CTBS: variants seen among roughly 807,000 people sequenced by gnomAD.
CTBS encodes di-N-acetylchitobiase.
In CTBS, 35 loss-of-function variants were observed where a neutral mutation model predicts 44.3. The ratio of observed to expected loss-of-function variants is 0.79; its 90% CI spans 0.60 to 1.05. The LOEUF is 1.05. CTBS is among the 50% of genes least tolerant of loss of function. The probability of loss-of-function intolerance (pLI) is 0.00; values close to 1 mark genes in which losing one functional copy is unlikely to be tolerated. For synonymous variants in CTBS, 143 were observed against 168.0 expected (o/e 0.85, Z 1.15); for missense variants, 458 against 475.3 (o/e 0.96, Z 0.34).
Position 84,563,731 on chromosome 1 carries a change from C to A in CTBS, c.795+4G>T. 6.5e-7 allele frequency: 1 copy of A among 1,544,364 alleles called. No homozygotes were observed. The highest frequency in any genetic ancestry group is 1.2e-5 in the South Asian group (1 of 81,102). Reference sequence around the variant, plus strand: ...AAAATTATGTAACAAATGACTGTTCCTACCTCAGACAGATTCAGGCAGGTA... The same window carrying A: ...AAAATTATGTAACAAATGACTGTTCATACCTCAGACAGATTCAGGCAGGTA... On this transcript the variant is annotated splice_donor_region_variant and intron_variant, in intron 5 of 6. Transcript: ENST00000370630.
chr1:84,561,594 C>T (rs563385127), intron 6 of CTBS, among the ~76,000 whole-genome samples: 1 of 152,158 alleles, frequency 6.6e-6, no homozygotes, highest in East Asian at 1.9e-4. Context: ...AATAGCATCA[C>T]GTTTTACACA....
chr1:84,563,607 AAAAT>A (rs1402623827), intron 5 of CTBS, 124 bp downstream of exon 5: 5 of 674,786 alleles, frequency 7.4e-6, no homozygotes, highest in African/African-American at 3.8e-5. Context: ...CATAGAAGTA[AAAAT>A]AAATAATTTT....
At chr1:84,559,394 G>C (rs1457595894) in intron 6 of CTBS, among the ~76,000 whole-genome samples, 5 of 152,194 alleles carry the variant, frequency 3.3e-5, no homozygotes, top group Non-Finnish European at 5.9e-5. Flanking sequence ...GCCGAGATGG[G>C]AGGATCACTT....
intron 6 of CTBS, among the ~76,000 whole-genome samples, chr1:84,559,762 C>T (rs1034771604): frequency 1.3e-5 from 2 of 152,046 alleles, no homozygotes; most frequent in Non-Finnish European, 2.9e-5. Flanking sequence ...TCAAGGCTCA[C>T]CAAAATGTTT....
chr1:84,557,486 T>G (rs1684469832), intron 6 of CTBS, among the ~76,000 whole-genome samples: 1 of 130,350 alleles, frequency 7.7e-6, no homozygotes, highest in Non-Finnish European at 1.5e-5. Flanking sequence ...TCAGCCGAGA[T>G]CGTGCCACTG....
chr1:84,570,595 T>C lies in CTBS; in HGVS notation c.303A>G (p.Arg101=). ...GAAACAACATACCTTTAAGTACTAC[T>C]CTGGCTCCTTTTGAATGAGCGTAGC... is the stretch of plus-strand genomic sequence containing the variant. ...LMCYAHSKGA[R]VVLKGDVSLK... Residue 101 remains arginine (R), a synonymous_variant, in exon 2 of 7, where the codon AGA becomes AGG. Transcript: ENST00000370630. 1.2e-6 allele frequency: 2 copies of C among 1,613,170 alleles called. No homozygotes were observed. The highest frequency in any genetic ancestry group is 1.7e-6 in the Non-Finnish European group (2 of 1,179,418).
intron 3 of CTBS, among the ~76,000 whole-genome samples, chr1:84,566,572 T>C (rs1684706042): frequency 1.3e-5 from 2 of 152,216 alleles, no homozygotes; most frequent in African/African-American, 4.8e-5. Context: ...CAAGTCAAAA[T>C]GTTGAATAAA....
At position 84,557,034 on chromosome 1, in the gene CTBS, A is replaced by C. The variant is rs181734752; in HGVS notation, c.958-1835T>G. Among the ~76,000 whole-genome samples the C allele has an allele frequency of 1.6e-4, 24 of 152,144 alleles. 1 individual carries two copies. The highest frequency in any genetic ancestry group is 5.8e-4 in the African/African-American group (24 of 41,386). On this transcript the variant is annotated intron_variant, in intron 6 of 6. Transcript: ENST00000370630. ...ACTTTGAGCCTTTTTGATATTATTA[A>C]GAAATTCAAATGTCTCAAAATTGTA...
chr1:84,567,928 C>A (rs1233293389), intron 3 of CTBS, among the ~76,000 whole-genome samples: 1 of 152,128 alleles, frequency 6.6e-6, no homozygotes, highest in Non-Finnish European at 1.5e-5. Flanking sequence ...AGTTAGCAGT[C>A]CTTACTCATC....
chr1:84,571,672 G>T (rs991188147), intron 1 of CTBS, among the ~76,000 whole-genome samples: 3 of 152,154 alleles, frequency 2.0e-5, no homozygotes, highest in Non-Finnish European at 2.9e-5. Context: ...AGGAGATAAA[G>T]ATTAATGAGA....
chr1:84,553,079 ACTGG>A lies in CTBS; in HGVS notation c.*1916_*1919del. On this transcript the variant is annotated 3_prime_UTR_variant, in exon 7 of 7. Coordinates refer to ENST00000370630, the MANE Select transcript of CTBS (RefSeq NM_004388.3). ...CAGATTTACGAACATTGAAAACTGAACTGGCACAGAAAAAAAAAATAATACATCT... is the reference window on the plus strand; with the variant it reads ...CAGATTTACGAACATTGAAAACTGAACACAGAAAAAAAAAATAATACATCT... 6.5e-7 allele frequency: 1 copy of A among 1,531,014 alleles called. No individual in the cohort carries two copies. The highest frequency in any genetic ancestry group is 2.2e-5 in the Admixed American group (1 of 45,606). 94.8% of individuals were successfully genotyped at this position (1,531,014 alleles called of 1,614,324 possible).
chr1:84,574,247 C>G lies in CTBS; in HGVS notation c.169G>C (p.Asp57His), dbSNP rs779844966. ...CAGAGGAAGGCGCTGACCTCGAAAT[C>G]TGGATGGTGGCGAATCGGGCGGCAG... ...ELCRPIRHHP[D>H]FEVFVFDVGQ... Residue 57 changes from aspartate (D) to histidine (H), a missense_variant, in exon 1 of 7, where the codon GAT becomes CAT. Coordinates refer to ENST00000370630, the MANE Select transcript of CTBS (RefSeq NM_004388.3). The G allele has an allele frequency of 5.6e-6, 9 of 1,605,354 alleles. No individual in the cohort carries two copies. The highest frequency in any genetic ancestry group is 3.3e-5 in the South Asian group (3 of 89,786).
chr1:84,558,716 T>C (rs925983020), intron 6 of CTBS, among the ~76,000 whole-genome samples: 6 of 150,958 alleles, frequency 4.0e-5, no homozygotes, highest in Admixed American at 6.6e-5. Context: ...GCCTGGGCAA[T>C]ATAGAAAGAC....
rs1399926567 is a variant in CTBS, at chr1:84,563,361, C to T, written c.853G>A (p.Ala285Thr). ...PFRGAPCSDA[A>T]GRQVPYKTIM... ...GTTTTGTAGGGCACCTGACGTCCTG[C>T]AGCGTCACTACAAGGAGCCCCCCGG... The change falls in exon 6 of 7, where the codon GCA becomes ACA. Residue 285 changes from alanine to threonine, a missense_variant. By Grantham distance (58) the Ala-to-Thr change is moderately conservative. Coordinates refer to ENST00000370630, the MANE Select transcript of CTBS (RefSeq NM_004388.3). 2 of 1,595,168 alleles carry T rather than the reference C, an allele frequency of 1.3e-6. No homozygotes were observed. Among genetic ancestry groups the T allele is most frequent in the East Asian group, 2.3e-5 (1 of 43,498 alleles).
At chr1:84,567,211 C>T (rs1684716075) in intron 3 of CTBS, among the ~76,000 whole-genome samples, 1 of 152,120 alleles carries the variant, frequency 6.6e-6, no homozygotes, top group Admixed American at 6.5e-5. Context: ...TGAATATTAG[C>T]ACTTTATAAT....
At position 84,552,983 on chromosome 1, in the gene CTBS, C is replaced by T; in HGVS notation, c.*2016G>A. 8.3e-7 allele frequency: 1 copy of T among 1,204,044 alleles called. No individual in the cohort carries two copies. Among genetic ancestry groups the T allele is most frequent in the Non-Finnish European group, 1.2e-6 (1 of 859,262 alleles). 74.6% of individuals were successfully genotyped at this position (1,204,044 alleles called of 1,614,324 possible). On this transcript the variant is annotated 3_prime_UTR_variant, in exon 7 of 7. Transcript: ENST00000370630. Reference sequence around the variant, plus strand: ...CTGTTTACATGACAACTATGATGTACTTTTAGAAGGGTATGATGAAGTTCA... The same window carrying T: ...CTGTTTACATGACAACTATGATGTATTTTTAGAAGGGTATGATGAAGTTCA...
intron 2 of CTBS, among the ~76,000 whole-genome samples, 172 bp from the exon 3 acceptor site, chr1:84,570,311 C>G (rs1158669045): frequency 6.6e-6 from 1 of 152,132 alleles, no homozygotes; most frequent in African/African-American, 2.4e-5. Context: ...TAAAATTGTT[C>G]TGAAGTTAGA....
In CTBS at chr1:84,550,899, G is replaced by T; in HGVS notation, c.*4100C>A. 2.0e-6 allele frequency: 2 copies of T among 978,484 alleles called. No homozygotes were observed. Among genetic ancestry groups the T allele is most frequent in the Non-Finnish European group, 2.4e-6 (2 of 823,766 alleles). 60.6% of individuals were successfully genotyped at this position (978,484 alleles called of 1,614,324 possible). Reference sequence around the variant, plus strand: ...CTGAACTGACATTTAATTTTTTATGGGTAATCGTTTCATTTTTTCTGGTTA... The same window carrying T: ...CTGAACTGACATTTAATTTTTTATGTGTAATCGTTTCATTTTTTCTGGTTA... On this transcript the variant is annotated 3_prime_UTR_variant, in exon 7 of 7. Transcript: ENST00000370630.
chr1:84,572,746 A>G (rs1032634452), intron 1 of CTBS, among the ~76,000 whole-genome samples: 1 of 149,372 alleles, frequency 6.7e-6, no homozygotes, highest in Non-Finnish European at 1.5e-5. Flanking sequence ...GCTAACTGCA[A>G]CCTTCCGCCT....
Sources: gnomAD v4.1 joint callset for allele counts (sites outside exome capture counted in the v4.1 genomes callset) on GRCh38, gnomAD v4.1.1 for gene constraint, MANE v1.5 for transcripts, NCBI Gene and HGNC (gene_info 2026-07-23, HGNC 2026-07-21) for gene names.